GXYLT2: variants seen among roughly 807,000 people sequenced by gnomAD.
The protein encoded by GXYLT2 is glycosyltransferase 8 domain containing 4.
Under a neutral mutation model 45.8 loss-of-function variants are expected in GXYLT2, and 53 were observed. The observed-to-expected ratio is 1.16, with a 90% confidence interval of 0.93 to 1.46. The LOEUF is 1.46. Ranked by LOEUF, GXYLT2 falls within the 40% of genes most tolerant of loss-of-function variation. The probability of loss-of-function intolerance (pLI) is 0.00; values close to 1 mark genes in which losing one functional copy is unlikely to be tolerated. For synonymous variants in GXYLT2, 219 were observed against 214.2 expected (o/e 1.02, Z -0.19); for missense variants, 551 against 544.4 (o/e 1.01, Z -0.12).
rs757682946 is a variant in GXYLT2, at chr3:72,922,242, G to T, written c.507G>T (p.Glu169Asp). 6.2e-7 allele frequency: 1 copy of T among 1,613,384 alleles called. No homozygotes were observed. The highest frequency in any genetic ancestry group is 2.2e-5 in the East Asian group (1 of 44,866). The change falls in exon 3 of 7, where the codon GAG becomes GAT. Residue 169 changes from glutamate to aspartate, a missense_variant. Coordinates refer to ENST00000389617, the MANE Select transcript of GXYLT2 (RefSeq NM_001080393.2). ...QWPDSYTKKF[E>D]HRIYPITFSV... ...CTGACTCATATACAAAGAAGTTTGAGCACAGAATCTACCCCATCACATTTT... is the reference window on the plus strand; with the variant it reads ...CTGACTCATATACAAAGAAGTTTGATCACAGAATCTACCCCATCACATTTT...
intron 2 of GXYLT2, among the ~76,000 whole-genome samples, chr3:72,909,690 A>G (rs568231868): frequency 1.3e-5 from 2 of 152,186 alleles, no homozygotes; most frequent in Non-Finnish European, 2.9e-5. Flanking sequence ...GTACACAAAA[A>G]GAGCTTTGGA....
At chr3:72,954,425 G>GTGTGTGTGTA (rs1710590520) in intron 3 of GXYLT2, among the ~76,000 whole-genome samples, 1 of 150,684 alleles carries the variant, frequency 6.6e-6, no homozygotes, top group Non-Finnish European at 1.5e-5. Flanking sequence ...GTGTGTGTGT[G>GTGTGTGTGTA]TGTGTGTGTA....
intron 1 of GXYLT2, among the ~76,000 whole-genome samples, chr3:72,888,794 C>G (rs1709119970): frequency 6.6e-6 from 1 of 152,212 alleles, no homozygotes; most frequent in South Asian, 2.1e-4. Context: ...TGCACTCTTG[C>G]AAACATGCAC....
At chr3:72,960,511 G>A (rs1344001302) in intron 5 of GXYLT2, among the ~76,000 whole-genome samples, 1 of 152,208 alleles carries the variant, frequency 6.6e-6, no homozygotes, top group Non-Finnish European at 1.5e-5. Context: ...GATCCATTGA[G>A]TAAAACAGGA....
At chr3:72,896,116 A>C (rs944721175) in intron 1 of GXYLT2, among the ~76,000 whole-genome samples, 1 of 152,232 alleles carries the variant, frequency 6.6e-6, no homozygotes, top group African/African-American at 2.4e-5. Context: ...ATTGAGCCAT[A>C]ACTAGACCCA....
chr3:72,890,082 G>A (rs1375381828), intron 1 of GXYLT2, among the ~76,000 whole-genome samples: 1 of 152,058 alleles, frequency 6.6e-6, no homozygotes, highest in Non-Finnish European at 1.5e-5. Flanking sequence ...ACCATGCCCA[G>A]CTGATTTTTG....
rs558243822 is a variant in GXYLT2, at chr3:72,929,349, G to A, written c.600+7014G>A. 43 of 1,032,484 alleles carry A rather than the reference G, an allele frequency of 4.2e-5. 1 individual carries two copies. The South Asian group carries it at 5.0e-4, about 12-fold the overall frequency. The allele number at this position is 1,032,484 out of a possible 1,614,324, so 64.0% of individuals were successfully genotyped here. On this transcript the variant is annotated intron_variant, in intron 3 of 6. Coordinates refer to ENST00000389617, the MANE Select transcript of GXYLT2 (RefSeq NM_001080393.2). ...GAGAGCGGGCTGAATGCGATGGAGT[G>A]TGCATTACATTTGGGGAAAAAAAAA...
chr3:72,949,119 A>G (rs1438557457), intron 3 of GXYLT2, among the ~76,000 whole-genome samples: 1 of 152,116 alleles, frequency 6.6e-6, no homozygotes, highest in Non-Finnish European at 1.5e-5. Context: ...GTCATTGAAC[A>G]TATCTTCCTG....
intron 3 of GXYLT2, among the ~76,000 whole-genome samples, chr3:72,936,306 A>G (rs199669839): frequency 1.5e-5 from 2 of 131,260 alleles, no homozygotes; most frequent in South Asian, 7.2e-4. Context: ...AAAAGAAAAA[A>G]AAAAAAAAAG....
At chr3:72,963,507 GTTT>G (rs71126809) in intron 5 of GXYLT2, among the ~76,000 whole-genome samples, 1 of 143,700 alleles carries the variant, frequency 7.0e-6, no homozygotes, top group Non-Finnish European at 1.5e-5. Flanking sequence ...GGAGTTTTTT[GTTT>G]TTTTTTTTTT....
chr3:72,895,270 G>A (rs1709266575), intron 1 of GXYLT2, among the ~76,000 whole-genome samples: 1 of 152,012 alleles, frequency 6.6e-6, no homozygotes, highest in South Asian at 2.1e-4. Flanking sequence ...TGGTGGCGGG[G>A]TTGGGGGGCA....
intron 5 of GXYLT2, among the ~76,000 whole-genome samples, chr3:72,961,054 T>C (rs1710759023): frequency 6.6e-6 from 1 of 152,184 alleles, no homozygotes; most frequent in Non-Finnish European, 1.5e-5. Context: ...TATAATTAGA[T>C]AGTAAATGCC....
intron 3 of GXYLT2, among the ~76,000 whole-genome samples, chr3:72,946,700 A>G (rs1361750633): frequency 6.6e-6 from 1 of 152,138 alleles, no homozygotes; most frequent in African/African-American, 2.4e-5. Context: ...ACCTTTTAGG[A>G]CTCTACCTCT....
intron 1 of GXYLT2, among the ~76,000 whole-genome samples, chr3:72,899,583 G>A (rs1380196070): frequency 6.6e-6 from 1 of 152,106 alleles, no homozygotes; most frequent in Non-Finnish European, 1.5e-5. Context: ...TTTTTGTCGG[G>A]ATTCATGCTT....
At chr3:72,904,346 A>G (rs1337047037) in intron 1 of GXYLT2, among the ~76,000 whole-genome samples, 1 of 152,246 alleles carries the variant, frequency 6.6e-6, no homozygotes, top group Non-Finnish European at 1.5e-5. Flanking sequence ...CTTAAACTTT[A>G]TTATGCATTG....
At position 72,967,525 on chromosome 3, in the gene GXYLT2, G is replaced by A. The variant is rs755771052; in HGVS notation, c.977-22G>A. On this transcript the variant is annotated intron_variant, in intron 5 of 6. Transcript: ENST00000389617. ...GCTGGCACTAACCGTGGACATATAT[G>A]TCTTTCTCTTTTTACCACCAGAGTG... 4.8e-5 allele frequency: 77 copies of A among 1,603,436 alleles called. 1 individual carries two copies. The East Asian group carries it at 4.9e-4, about 10-fold the overall frequency.
intron 3 of GXYLT2, among the ~76,000 whole-genome samples, chr3:72,953,363 C>G (rs1221858076): frequency 1.3e-5 from 2 of 152,024 alleles, no homozygotes; most frequent in African/African-American, 4.8e-5. Context: ...GATCTTGGCT[C>G]ACTGCAACCT....
intron 5 of GXYLT2, among the ~76,000 whole-genome samples, chr3:72,960,244 C>T (rs1251413551): frequency 2.0e-5 from 3 of 150,560 alleles, no homozygotes; most frequent in Non-Finnish European, 2.9e-5. Flanking sequence ...ACTGCATTTT[C>T]CTCTTTGTCA....
chr3:72,929,820 G>A (rs774880887), intron 3 of GXYLT2, among the ~76,000 whole-genome samples: 5 of 152,118 alleles, frequency 3.3e-5, no homozygotes, highest in African/African-American at 4.8e-5. Flanking sequence ...ACATAAATTC[G>A]ACTATATAAA....
Sources: allele counts gnomAD v4.1 joint callset (sites outside exome capture counted in the v4.1 genomes callset), GRCh38; gene constraint gnomAD v4.1.1; transcripts MANE v1.5; gene names NCBI Gene and HGNC (gene_info 2026-07-23, HGNC 2026-07-21).